Variants in FOXL3 observed in about 807,000 individuals in gnomAD.
FOXL3 encodes forkhead box protein L3.
In FOXL3, 16 loss-of-function variants were observed where a neutral mutation model predicts 10.9. The ratio of observed to expected loss-of-function variants is 1.46; its 90% CI spans 0.99 to 2.22. The LOEUF is 2.22. Among genes scored for constraint, FOXL3 ranks in the 30% most tolerant of loss-of-function variants. FOXL3 has a pLI of 0.00. For synonymous variants in FOXL3, 170 were observed against 152.0 expected (o/e 1.12, Z -0.87); for missense variants, 400 against 337.9 (o/e 1.18, Z -1.44).
In FOXL3 at chr7:290,800, C is replaced by T; in HGVS notation, c.255C>T (p.Ser85=). The T allele has an allele frequency of 2.0e-6, 3 of 1,495,482 alleles. No homozygotes were observed. The highest frequency in any genetic ancestry group is 2.7e-6 in the Non-Finnish European group (3 of 1,127,116). The allele number at this position is 1,495,482 out of a possible 1,614,324, so 92.6% of individuals were successfully genotyped here. A position where few individuals can be genotyped will look rare whatever the true frequency, so the allele number is the denominator to read the frequency against. Residue 85 remains serine, a synonymous_variant, in exon 2 of 3, where the codon TCC becomes TCT. Transcript: ENST00000506382. Reference sequence around the variant, plus strand: ...AGAACTCCATCCGCCACAACCTGTCCCTCAACAGCTGCTTCGTCAAGGTGA... The same window carrying T: ...AGAACTCCATCCGCCACAACCTGTCTCTCAACAGCTGCTTCGTCAAGGTGA... ...AWQNSIRHNL[S]LNSCFVKVPR...
rs1378718088 is a variant in FOXL3, at chr7:290,848, G to T, written c.276+27G>T. The T allele has an allele frequency of 2.9e-6, 4 of 1,394,672 alleles. No individual in the cohort carries two copies. The Admixed American group carries it at 9.7e-5, about 34-fold the overall frequency. 86.4% of individuals were successfully genotyped at this position (1,394,672 alleles called of 1,614,324 possible). ...TGAGCGCCGCCCCCGACGGGCCCCG[G>T]GTGTCCCAGCGTGGCGACACCTGCG... is the stretch of plus-strand genomic sequence containing the variant. On this transcript the variant is annotated intron_variant, in intron 2 of 2. Coordinates refer to ENST00000506382, the MANE Select transcript of FOXL3 (RefSeq NM_001374838.1).
At chr7:290,924 G>A (rs1276495005) in intron 2 of FOXL3, 103 bp downstream of exon 2, 2 of 1,296,824 alleles carry the variant, frequency 1.5e-6, no homozygotes, top group Admixed American at 4.0e-5. Flanking sequence ...CTTCAGGGAG[G>A]TCCGTCCTCA....
Position 291,051 on chromosome 7 carries a change from CCG to C in FOXL3, c.277-4_277-3del, listed in dbSNP as rs1170907013. Reference sequence around the variant, plus strand: ...GCGGAGCCGCTCCCAGCCCCTCCCTCCGCGCGCGCAGGTGCCGCGGTCCGAGG... The same window carrying C: ...GCGGAGCCGCTCCCAGCCCCTCCCTCCGCGCGCAGGTGCCGCGGTCCGAGG... On this transcript the variant is annotated splice_polypyrimidine_tract_variant and intron_variant, in intron 2 of 2. Transcript: ENST00000506382. 2.9e-6 allele frequency: 4 copies of C among 1,378,934 alleles called. No homozygotes were observed. The highest frequency in any genetic ancestry group is 1.6e-5 in the South Asian group (1 of 63,960). 85.4% of individuals were successfully genotyped at this position (1,378,934 alleles called of 1,614,324 possible). A position where few individuals can be genotyped will look rare whatever the true frequency, so the allele number is the denominator to read the frequency against.
At chr7:290,939 A>G (rs1275377699) in intron 2 of FOXL3, 118 bp downstream of exon 2, 2 of 1,279,032 alleles carry the variant, frequency 1.6e-6, no homozygotes, top group Non-Finnish European at 2.0e-6. Context: ...TCCTCAGCCC[A>G]CGGGGCCGCC....
At position 290,721 on chromosome 7, in the gene FOXL3, A is replaced by G. The variant is rs765856547; in HGVS notation, c.176A>G (p.Tyr59Cys). ...GGGAGGGTGACCCTGTCCGGCATCT[A>G]CGACTTCATCATGCGCAAATTCCCC... ...PAGRVTLSGIYDFIMRKFPYY... is the reference protein window; with the variant it reads ...PAGRVTLSGICDFIMRKFPYY... The change falls in exon 2 of 3, where the codon TAC becomes TGC. Residue 59 changes from tyrosine to cysteine, a missense_variant. Tyr to Cys is a radical substitution (Grantham distance 194). Coordinates refer to ENST00000506382, the MANE Select transcript of FOXL3 (RefSeq NM_001374838.1). 9.6e-5 allele frequency: 143 copies of G among 1,483,762 alleles called. No homozygotes were observed. The highest frequency in any genetic ancestry group is 1.2e-4 in the Non-Finnish European group (138 of 1,123,790). 91.9% of individuals were successfully genotyped at this position (1,483,762 alleles called of 1,614,324 possible).
intron 2 of FOXL3, 109 bp downstream of exon 2, chr7:290,930 C>T: frequency 7.7e-7 from 1 of 1,291,700 alleles, no homozygotes; most frequent in Non-Finnish European, 9.8e-7. Flanking sequence ...GGAGGTCCGT[C>T]CTCAGCCCAC....
chr7:290,600 G>A (rs1423110203), intron 1 of FOXL3, 53 bp from the exon 2 acceptor site: 29 of 1,408,592 alleles, frequency 2.1e-5, no homozygotes, highest in South Asian at 3.2e-5. Context: ...GGGATGGGGG[G>A]AAGGACGGGG....
At chr7:291,001 A>T in intron 2 of FOXL3, 62 bp from the exon 3 acceptor site, 1 of 1,320,552 alleles carries the variant, frequency 7.6e-7, no homozygotes. Context: ...CCCCGAGGGG[A>T]CAAGGCGGGC....
At position 291,321 on chromosome 7, in the gene FOXL3, G is replaced by A. The variant is rs145287224; in HGVS notation, c.535G>A (p.Ala179Thr). The change falls in exon 3 of 3, where the codon GCC becomes ACC. Residue 179 changes from alanine to threonine, a missense_variant. Ala to Thr is a moderately conservative substitution (Grantham distance 58). Transcript: ENST00000506382. ...GGGCGCCCCGGGCCGTGAGCCCCCCGCCAGCCCCGCTCCCCCGGGGAAGGA... is the reference window on the plus strand; with the variant it reads ...GGGCGCCCCGGGCCGTGAGCCCCCCACCAGCCCCGCTCCCCCGGGGAAGGA... ...GEGAPGREPP[A>T]SPAPPGKEHP... 1.4e-3 allele frequency: 1,727 copies of A among 1,262,348 alleles called. 20 individuals carry two copies. In the African/African-American group the frequency reaches 0.023, roughly 17 times the overall value. 78.2% of individuals were successfully genotyped at this position (1,262,348 alleles called of 1,614,324 possible).
Position 291,300 on chromosome 7 carries a change from G to T in FOXL3, c.514G>T (p.Ala172Ser), listed in dbSNP as rs923220809. ...GGCCCCGGACAGCGCTGGCGAGGGC[G>T]CCCCGGGCCGTGAGCCCCCCGCCAG... is the stretch of plus-strand genomic sequence containing the variant. The part of the protein sequence containing the change: ...RLAPDSAGEG[A>S]PGREPPASPA... Residue 172 changes from alanine (A) to serine (S), a missense_variant, in exon 3 of 3, where the codon GCC (alanine) becomes TCC (serine). Transcript: ENST00000506382. 5 of 1,246,638 alleles carry T rather than the reference G, an allele frequency of 4.0e-6. No homozygotes were observed. The African/African-American group carries it at 7.8e-5, about 19-fold the overall frequency. 77.2% of individuals were successfully genotyped at this position (1,246,638 alleles called of 1,614,324 possible).
Position 290,824 on chromosome 7 carries a change from G to T in FOXL3, c.276+3G>T, listed in dbSNP as rs762256948. On this transcript the variant is annotated splice_donor_region_variant and intron_variant, in intron 2 of 2. Coordinates refer to ENST00000506382, the MANE Select transcript of FOXL3 (RefSeq NM_001374838.1). The stretch of plus-strand genomic sequence containing the variant: ...CCCTCAACAGCTGCTTCGTCAAGGT[G>T]AGCGCCGCCCCCGACGGGCCCCGGG... 6.9e-7 allele frequency: 1 copy of T among 1,444,402 alleles called. No homozygotes were observed. Among genetic ancestry groups the T allele is most frequent in the Non-Finnish European group, 9.1e-7 (1 of 1,102,130 alleles). The allele number at this position is 1,444,402 out of a possible 1,614,324, so 89.5% of individuals were successfully genotyped here. A position where few individuals can be genotyped will look rare whatever the true frequency, so the allele number is the denominator to read the frequency against.
chr7:290,736 G>A lies in FOXL3; in HGVS notation c.191G>A (p.Arg64His). The A allele has an allele frequency of 2.0e-6, 3 of 1,493,944 alleles. No individual in the cohort carries two copies. The highest frequency in any genetic ancestry group is 1.8e-6 in the Non-Finnish European group (2 of 1,127,130). The allele number at this position is 1,493,944 out of a possible 1,614,324, so 92.5% of individuals were successfully genotyped here. The change falls in exon 2 of 3, where the codon CGC becomes CAC. Residue 64 changes from arginine to histidine, a missense_variant. Arg to His is a conservative substitution (Grantham distance 29). Transcript: ENST00000506382. ...TLSGIYDFIM[R>H]KFPYYRANQR... ...TCCGGCATCTACGACTTCATCATGC[G>A]CAAATTCCCCTATTACCGCGCCAAC...
At position 290,696 on chromosome 7, in the gene FOXL3, G is replaced by C; in HGVS notation, c.151G>C (p.Gly51Arg). 1.4e-6 allele frequency: 2 copies of C among 1,457,448 alleles called. No homozygotes were observed. Among genetic ancestry groups the C allele is most frequent in the Non-Finnish European group, 1.8e-6 (2 of 1,110,960 alleles). The allele number at this position is 1,457,448 out of a possible 1,614,324, so 90.3% of individuals were successfully genotyped here. Reference sequence around the variant, plus strand: ...CATGGCCATTCAGCAGAGCCCCGCGGGGAGGGTGACCCTGTCCGGCATCTA... The same window carrying C: ...CATGGCCATTCAGCAGAGCCCCGCGCGGAGGGTGACCCTGTCCGGCATCTA... The part of the protein sequence containing the change: ...IAMAIQQSPA[G>R]RVTLSGIYDF... The change falls in exon 2 of 3, where the codon GGG (glycine) becomes CGG (arginine). Residue 51 changes from glycine (G) to arginine (R), a missense_variant. Gly to Arg is a moderately radical substitution (Grantham distance 125). Transcript: ENST00000506382.
intron 1 of FOXL3, 121 bp from the exon 2 acceptor site, chr7:290,532 G>A (rs1427794917): frequency 2.4e-5 from 25 of 1,059,986 alleles, no homozygotes; most frequent in Non-Finnish European, 3.0e-5. Context: ...GCGAGCTGCG[G>A]GGACACTTTC....
chr7:290,175 T>C lies in FOXL3; in HGVS notation c.6T>C (p.Phe2=). The C allele has an allele frequency of 6.5e-7, 1 of 1,535,270 alleles. No individual in the cohort carries two copies. The highest frequency in any genetic ancestry group is 2.0e-5 in the Admixed American group (1 of 51,002). The change falls in exon 1 of 3, where the codon TTT becomes TTC. Residue 2 remains phenylalanine, a synonymous_variant. Transcript: ENST00000506382. M[F]DSSQYPYNCF... ...CAAGCGCCGAGCGCGCCAGGATGTTTGACAGCTCGCAGTATCCCTACAACT... is the reference window on the plus strand; with the variant it reads ...CAAGCGCCGAGCGCGCCAGGATGTTCGACAGCTCGCAGTATCCCTACAACT...
intron 1 of FOXL3, 127 bp from the exon 2 acceptor site, chr7:290,526 G>C: frequency 9.8e-7 from 1 of 1,019,336 alleles, no homozygotes; most frequent in Non-Finnish European, 1.4e-6. Flanking sequence ...GGGACCGCGA[G>C]CTGCGGGGAC....
intron 2 of FOXL3, 35 bp downstream of exon 2, chr7:290,856 A>C (rs36180337): frequency 0.79 from 1,069,163 of 1,358,342 alleles, 426,732 homozygotes; most frequent in African/African-American, 0.83. Flanking sequence ...CGGGTGTCCC[A>C]GCGTGGCGAC....
At chr7:291,013 G>GGCGC in intron 2 of FOXL3, 50 bp from the exon 3 acceptor site, 1 of 1,333,610 alleles carries the variant, frequency 7.5e-7, no homozygotes, top group Non-Finnish European at 9.5e-7. Context: ...AAGGCGGGCG[G>GGCGC]GCGCACCGTG....
chr7:290,301 C>T, intron 1 of FOXL3, 25 bp downstream of exon 1: 3 of 1,511,262 alleles, frequency 2.0e-6, no homozygotes, highest in Non-Finnish European at 2.7e-6. Flanking sequence ...GGTGCTGGGG[C>T]TTTGGGGGAC....
Sources: gnomAD v4.1 joint callset for allele counts on GRCh38, gnomAD v4.1.1 for gene constraint, MANE v1.5 for transcripts, NCBI Gene and HGNC (gene_info 2026-07-23, HGNC 2026-07-21) for gene names.